Variants in NCAM2 observed in about 807,000 individuals in gnomAD.
The protein encoded by NCAM2 is N-CAM-2.
In NCAM2, 30 loss-of-function variants were observed where a neutral mutation model predicts 98.1. That is an observed-to-expected ratio of 0.31 (90% CI 0.23 to 0.41). The LOEUF (loss-of-function observed/expected upper bound fraction) is 0.41. Among genes scored for constraint, NCAM2 ranks in the 10% least tolerant of loss-of-function variants. The pLI is 1.00. For synonymous variants in NCAM2, 368 were observed against 342.4 expected, an observed-to-expected ratio of 1.07 and a Z score of -0.83; for missense variants, 867 against 1,005.8, an observed-to-expected ratio of 0.86 and a Z score of 1.87.
intron 9 of NCAM2, among the ~76,000 whole-genome samples, chr21:21,409,759 T>TTCAAATTTAATAAA (rs2076818652): frequency 6.6e-6 from 1 of 152,224 alleles, no homozygotes; most frequent in Admixed American, 6.5e-5. Flanking sequence ...TATTAAATTA[T>TTCAAATTTAATAAA]GTGATAAAAG....
In NCAM2 at chr21:21,229,971, A is replaced by G. The variant is rs552334081; in HGVS notation, c.56-50607A>G. On this transcript the variant is annotated intron_variant, in intron 1 of 17. Transcript: ENST00000400546. ...ATAACATTATTAAAATATATGCACA[A>G]GAACTGTTCTAACAGATTTATATTT... 4.1e-4 allele frequency among the ~76,000 whole-genome samples: 62 copies of G among 151,584 alleles called. No homozygotes were observed. The South Asian group carries it at 0.012, about 30-fold the overall frequency.
At chr21:21,210,024 GAGCTCA>G (rs2069589534) in intron 1 of NCAM2, among the ~76,000 whole-genome samples, 1 of 152,162 alleles carries the variant, frequency 6.6e-6, no homozygotes. Context: ...TGGAAGTCAA[GAGCTCA>G]TACTCCATAA....
At chr21:21,431,984 C>T (rs1048599251) in intron 11 of NCAM2, 124 bp from the exon 12 acceptor site, 14 of 737,556 alleles carry the variant, frequency 1.9e-5, no homozygotes, top group South Asian at 7.1e-5. Context: ...TTCTGTAACT[C>T]GAACATATTA....
At position 21,448,230 on chromosome 21, in the gene NCAM2, A is replaced by G. The variant is rs995190210; in HGVS notation, c.1654+15949A>G. ...TATGCAGCCATAGAAAGGAATGAGAACATGTCCTTTGCAGGGACATGAATG... is the reference window on the plus strand; with the variant it reads ...TATGCAGCCATAGAAAGGAATGAGAGCATGTCCTTTGCAGGGACATGAATG... On this transcript the variant is annotated intron_variant, in intron 12 of 17. Coordinates refer to ENST00000400546, the MANE Select transcript of NCAM2 (RefSeq NM_004540.5). 2.0e-4 allele frequency among the ~76,000 whole-genome samples: 31 copies of G among 152,176 alleles called. No individual in the cohort carries two copies. In the East Asian group the frequency reaches 5.8e-3, roughly 28 times the overall value.
chr21:21,520,897 A>G (rs1033472510), intron 16 of NCAM2, among the ~76,000 whole-genome samples: 1 of 152,140 alleles, frequency 6.6e-6, no homozygotes, highest in East Asian at 1.9e-4. Context: ...TAGTCATAGG[A>G]GGTCCTATAC....
At chr21:21,209,560 G>A (rs2069567274) in intron 1 of NCAM2, among the ~76,000 whole-genome samples, 1 of 152,066 alleles carries the variant, frequency 6.6e-6, no homozygotes, top group Admixed American at 6.6e-5. Flanking sequence ...GGTCACATGA[G>A]GCAGGATGGG....
intron 14 of NCAM2, among the ~76,000 whole-genome samples, chr21:21,472,578 G>A (rs938996054): frequency 2.0e-5 from 3 of 151,822 alleles, no homozygotes; most frequent in Non-Finnish European, 4.4e-5. Flanking sequence ...TGTATAGATA[G>A]ACTATGTGTT....
At chr21:21,311,335 ATTTTTTT>A (rs57458011) in intron 5 of NCAM2, among the ~76,000 whole-genome samples, 4 of 108,584 alleles carry the variant, frequency 3.7e-5, no homozygotes, top group East Asian at 2.9e-4. Flanking sequence ...AATATGGGGC[ATTTTTTT>A]TTTTTTTTTT....
chr21:21,371,753 T>C (rs1446706750), intron 8 of NCAM2, among the ~76,000 whole-genome samples: 8 of 151,854 alleles, frequency 5.3e-5, no homozygotes, highest in Admixed American at 1.3e-4. Context: ...TACTGTAAAA[T>C]TAGTATCTAT....
At chr21:21,416,838 T>A (rs1462747769) in intron 10 of NCAM2, among the ~76,000 whole-genome samples, 1 of 152,102 alleles carries the variant, frequency 6.6e-6, no homozygotes, top group African/African-American at 2.4e-5. Flanking sequence ...CTAGAATACA[T>A]CAAATAAGCT....
intron 4 of NCAM2, among the ~76,000 whole-genome samples, chr21:21,287,678 T>C (rs1240056580): frequency 6.6e-6 from 1 of 151,926 alleles, no homozygotes; most frequent in Admixed American, 6.6e-5. Flanking sequence ...TTTTTAAAAG[T>C]CAAATAGAGC....
At chr21:21,196,493 G>C (rs1458546948) in intron 1 of NCAM2, among the ~76,000 whole-genome samples, 1 of 152,138 alleles carries the variant, frequency 6.6e-6, no homozygotes, top group Non-Finnish European at 1.5e-5. Flanking sequence ...AGCACTAGAT[G>C]TTTCTTGGAC....
At chr21:21,212,986 C>T (rs777882612) in intron 1 of NCAM2, among the ~76,000 whole-genome samples, 6 of 152,086 alleles carry the variant, frequency 3.9e-5, no homozygotes, top group African/African-American at 1.2e-4. Flanking sequence ...ATGATCCGCC[C>T]GCCTTGGCCT....
chr21:21,501,617 C>CTT (rs5842933), intron 15 of NCAM2, among the ~76,000 whole-genome samples: 16,013 of 143,936 alleles, frequency 0.11, 971 homozygotes, highest in Middle Eastern at 0.22. Flanking sequence ...ATTAATGTTC[C>CTT]TTTTTTTTTT....
chr21:21,110,817 C>T (rs1199446085), intron 1 of NCAM2, among the ~76,000 whole-genome samples: 2 of 151,846 alleles, frequency 1.3e-5, no homozygotes. Context: ...AACTTAGTTC[C>T]TTAAACTAGT....
intron 1 of NCAM2, among the ~76,000 whole-genome samples, chr21:21,164,758 G>T (rs1211931449): frequency 6.6e-6 from 1 of 152,070 alleles, no homozygotes; most frequent in African/African-American, 2.4e-5. Flanking sequence ...TGTTAATTGA[G>T]TGATTACTCT....
intron 12 of NCAM2, among the ~76,000 whole-genome samples, chr21:21,464,910 A>T (rs1370326900): frequency 6.6e-6 from 1 of 152,132 alleles, no homozygotes; most frequent in Non-Finnish European, 1.5e-5. Context: ...TTATCCTTGC[A>T]GCTTCTAATC....
chr21:21,328,573 T>C (rs1453513556), intron 6 of NCAM2, among the ~76,000 whole-genome samples: 1 of 143,466 alleles, frequency 7.0e-6, no homozygotes, highest in Admixed American at 6.9e-5. Context: ...TGGGGGTATC[T>C]TCCTTTAAAA....
At chr21:21,453,730 A>G (rs923010987) in intron 12 of NCAM2, among the ~76,000 whole-genome samples, 9 of 151,996 alleles carry the variant, frequency 5.9e-5, no homozygotes, top group African/African-American at 2.2e-4. Context: ...CTTGATATAC[A>G]TTTTCCTTCT....
Sources: allele counts gnomAD v4.1 joint callset (sites outside exome capture counted in the v4.1 genomes callset), GRCh38; gene constraint gnomAD v4.1.1; transcripts MANE v1.5; gene names NCBI Gene and HGNC (gene_info 2026-07-23, HGNC 2026-07-21).